NR3C2: variants seen among roughly 807,000 people sequenced by gnomAD.
NR3C2 encodes mineralocorticoid receptor.
NR3C2 carries 15 observed loss-of-function variants against 86.4 expected under a neutral mutation model. The ratio of observed to expected loss-of-function variants is 0.17; its 90% CI spans 0.12 to 0.27. NR3C2 has a LOEUF of 0.27. NR3C2 is among the 10% of genes least tolerant of loss of function. The probability of loss-of-function intolerance (pLI) is 1.00; values close to 1 mark genes in which losing one functional copy is unlikely to be tolerated. For synonymous variants in NR3C2, 458 were observed against 450.5 expected, an observed-to-expected ratio of 1.02 and a Z score of -0.21; for missense variants, 960 against 1,195.6, an observed-to-expected ratio of 0.80 and a Z score of 2.91.
chr4:148,425,323 G>A (rs1470846032), intron 2 of NR3C2, among the ~76,000 whole-genome samples: 1 of 152,176 alleles, frequency 6.6e-6, no homozygotes, highest in Non-Finnish European at 1.5e-5. Context: ...TAGCAGAAAT[G>A]AAGTAAAGAA....
chr4:148,367,024 C>T (rs558838892), intron 2 of NR3C2, among the ~76,000 whole-genome samples: 1 of 152,244 alleles, frequency 6.6e-6, no homozygotes, highest in Admixed American at 6.5e-5. Flanking sequence ...AGAAACATCC[C>T]TCATAAAGGC....
Position 148,080,825 on chromosome 4 carries a change from C to T in NR3C2, c.*519G>A, listed in dbSNP as rs766404000. On this transcript the variant is annotated 3_prime_UTR_variant, in exon 9 of 9. Coordinates refer to ENST00000358102, the MANE Select transcript of NR3C2 (RefSeq NM_000901.5). ...GGGCTCAGAGGCAGCTGCTGCCCCA[C>T]GCCACGAGTTCTGTTATTACACAAC... is the stretch of plus-strand genomic sequence containing the variant. 18 of 425,460 alleles carry T rather than the reference C, an allele frequency of 4.2e-5. No individual in the cohort carries two copies. Among genetic ancestry groups the T allele is most frequent in the Middle Eastern group, 3.4e-4 (1 of 2,958 alleles). The allele number at this position is 425,460 out of a possible 1,614,324, so 26.4% of individuals were successfully genotyped here. A position where few individuals can be genotyped will look rare whatever the true frequency, so the allele number is the denominator to read the frequency against.
At chr4:148,145,863 A>T (rs1244275755) in intron 6 of NR3C2, among the ~76,000 whole-genome samples, 1 of 152,090 alleles carries the variant, frequency 6.6e-6, no homozygotes. Flanking sequence ...TCTCAGGAGG[A>T]GGTTTCTCAG....
At chr4:148,341,657 T>C (rs985585744) in intron 2 of NR3C2, among the ~76,000 whole-genome samples, 2 of 152,028 alleles carry the variant, frequency 1.3e-5, no homozygotes, top group African/African-American at 4.8e-5. Context: ...AATGCCCCAA[T>C]TGCCCTGGTT....
At chr4:148,361,047 T>G (rs1745809208) in intron 2 of NR3C2, among the ~76,000 whole-genome samples, 1 of 152,150 alleles carries the variant, frequency 6.6e-6, no homozygotes, top group African/African-American at 2.4e-5. Context: ...GATTGTAAGC[T>G]CCAGCAAGAC....
chr4:148,434,781 G>A (rs957619899), intron 2 of NR3C2, among the ~76,000 whole-genome samples: 1 of 152,138 alleles, frequency 6.6e-6, no homozygotes, highest in African/African-American at 2.4e-5. Flanking sequence ...TCTAGTACTG[G>A]TCTGCTAAAT....
At chr4:148,194,949 C>A (rs1736372786) in intron 3 of NR3C2, 87 bp from the exon 4 acceptor site, 2 of 954,666 alleles carry the variant, frequency 2.1e-6, no homozygotes. Context: ...AAAACTACTT[C>A]TTTCCTGCCT....
At chr4:148,376,529 A>G (rs541568916) in intron 2 of NR3C2, among the ~76,000 whole-genome samples, 2 of 152,334 alleles carry the variant, frequency 1.3e-5, no homozygotes, top group Admixed American at 1.3e-4. Context: ...ATGAGTCTTT[A>G]AAAGGGTAAG....
At chr4:148,203,121 A>G (rs981042254) in intron 3 of NR3C2, among the ~76,000 whole-genome samples, 1 of 152,166 alleles carries the variant, frequency 6.6e-6, no homozygotes, top group Non-Finnish European at 1.5e-5. Context: ...TCACTCTCTG[A>G]ATGATCTATT....
At chr4:148,284,869 T>G (rs1356717426) in intron 2 of NR3C2, among the ~76,000 whole-genome samples, 2 of 152,314 alleles carry the variant, frequency 1.3e-5, no homozygotes, top group East Asian at 3.9e-4. Flanking sequence ...TTTTACTCAG[T>G]CCTACAAAAA....
upstream of NR3C2, among the ~76,000 whole-genome samples, chr4:148,445,179 C>T (rs543245502): frequency 1.3e-5 from 2 of 152,078 alleles, no homozygotes; most frequent in African/African-American, 4.8e-5. Context: ...TGCCCGCAGC[C>T]CTCCAAAGTC....
chr4:148,269,728 G>A lies in NR3C2; in HGVS notation c.1758-9611C>T, dbSNP rs111351745. 8.3e-3 allele frequency among the ~76,000 whole-genome samples: 1,260 copies of A among 152,308 alleles called. 19 individuals are homozygous for A. The highest frequency in any genetic ancestry group is 0.029 in the African/African-American group (1,204 of 41,574). On this transcript the variant is annotated intron_variant, in intron 2 of 8. Transcript: ENST00000358102. Reference sequence around the variant, plus strand: ...TGCCTCTGCAATCTGTGGCATGTGTGAGCATACTTATATTTATTATAAGTT... The same window carrying A: ...TGCCTCTGCAATCTGTGGCATGTGTAAGCATACTTATATTTATTATAAGTT...
chr4:148,383,384 A>G (rs944737268), intron 2 of NR3C2, among the ~76,000 whole-genome samples: 4 of 152,200 alleles, frequency 2.6e-5, no homozygotes, highest in Admixed American at 2.6e-4. Flanking sequence ...GTACCCTAGA[A>G]ATCTGGTAGA....
In NR3C2 at chr4:148,310,215, T is replaced by A. The variant is rs72951907; in HGVS notation, c.1758-50098A>T. ...ATTTTAATCGCTCCACTTGCATATA[T>A]CCTCAATTCCTCCAGCTACCTGGTG... is the stretch of plus-strand genomic sequence containing the variant. On this transcript the variant is annotated intron_variant, in intron 2 of 8. Coordinates refer to ENST00000358102, the MANE Select transcript of NR3C2 (RefSeq NM_000901.5). 6.6e-3 allele frequency among the ~76,000 whole-genome samples: 1,001 copies of A among 152,316 alleles called. 6 individuals are homozygous for A. The highest frequency in any genetic ancestry group is 0.023 in the African/African-American group (953 of 41,560).
chr4:148,300,076 A>C (rs1312477886), intron 2 of NR3C2, among the ~76,000 whole-genome samples: 1 of 152,184 alleles, frequency 6.6e-6, no homozygotes, highest in African/African-American at 2.4e-5. Context: ...CCAGGACTCT[A>C]CAGGCCCACT....
intron 4 of NR3C2, among the ~76,000 whole-genome samples, chr4:148,157,365 C>T (rs1018998611): frequency 3.9e-5 from 6 of 152,164 alleles, no homozygotes; most frequent in Middle Eastern, 3.4e-3. Flanking sequence ...AGGCACTGTT[C>T]TAAATGCTCT....
At chr4:148,350,739 G>C (rs755287494) in intron 2 of NR3C2, among the ~76,000 whole-genome samples, 15 of 152,190 alleles carry the variant, frequency 9.9e-5, no homozygotes, top group Non-Finnish European at 2.1e-4. Context: ...AGAGCCCTTA[G>C]TGGCTGGCAC....
intron 2 of NR3C2, among the ~76,000 whole-genome samples, chr4:148,277,638 T>C (rs1018621595): frequency 6.6e-6 from 1 of 152,188 alleles, no homozygotes; most frequent in African/African-American, 2.4e-5. Context: ...CAAAAAATAG[T>C]ATTAAATAAA....
intron 8 of NR3C2, among the ~76,000 whole-genome samples, chr4:148,099,869 T>A (rs111549117): frequency 6.6e-6 from 1 of 152,186 alleles, no homozygotes; most frequent in Non-Finnish European, 1.5e-5. Context: ...TGTAGGACCT[T>A]CAGTGGTTTT....
Sources: allele counts gnomAD v4.1 joint callset (sites outside exome capture counted in the v4.1 genomes callset), GRCh38; gene constraint gnomAD v4.1.1; transcripts MANE v1.5; gene names NCBI Gene and HGNC (gene_info 2026-07-23, HGNC 2026-07-21).